Variants in CYP4F11 observed in about 807,000 individuals in gnomAD.
CYP4F11 encodes the protein cytochrome P450 family 4 subfamily F member 11.
A neutral mutation model predicts 62.2 loss-of-function variants in CYP4F11; 79 were observed. The observed-to-expected ratio is 1.27, with a 90% CI of 1.06 to 1.53. CYP4F11 has a LOEUF of 1.53. CYP4F11 is among the 40% of genes most tolerant of loss of function. CYP4F11 has a pLI of 0.00. For missense variants in CYP4F11, 777 were observed against 680.5 expected, an observed-to-expected ratio of 1.14 and a Z score of -1.58; for synonymous variants, 290 against 263.7, an observed-to-expected ratio of 1.10 and a Z score of -0.97.
rs1390077676 is a variant in CYP4F11, at chr19:15,914,875, G to C, written c.1136C>G (p.Pro379Arg). 1 of 1,614,134 alleles carries C rather than the reference G, an allele frequency of 6.2e-7. No individual in the cohort carries two copies. Among genetic ancestry groups the C allele is most frequent in the African/African-American group, 1.3e-5 (1 of 75,028 alleles). ...EIEWDDLAQL[P>R]FLTMCIKESL... ...CTCCTTAATGCACATGGTCAGGAAG[G>C]GCAGCTGGGCCAGGTCGTCCCTAAG... Residue 379 changes from proline to arginine, a missense_variant, in exon 9 of 12, where the codon CCC becomes CGC. Pro to Arg is a moderately radical substitution (Grantham distance 103). Coordinates refer to ENST00000402119, the MANE Select transcript of CYP4F11 (RefSeq NM_021187.4).
chr19:15,916,117 T>C (rs1206373888), intron 8 of CYP4F11, among the ~76,000 whole-genome samples: 2 of 152,134 alleles, frequency 1.3e-5, no homozygotes, highest in Non-Finnish European at 2.9e-5. Context: ...AAAGCTTAAA[T>C]ATTATTTGAA....
At position 15,914,371 on chromosome 19, in the gene CYP4F11, C is replaced by T. The variant is rs200410691; in HGVS notation, c.1331G>A (p.Arg444His). ...CTCCTTGATGTTCTCTTGGTCGAAA[C>T]GGAAGGGGTCGTAGACCTGCAGGTG... ...WPDPEVYDPF[R>H]FDQENIKERS... The change falls in exon 11 of 12, where the codon CGT becomes CAT. Residue 444 changes from arginine (R) to histidine (H), a missense_variant. Transcript: ENST00000402119. 126 of 1,613,872 alleles carry T rather than the reference C, an allele frequency of 7.8e-5. No homozygotes were observed. The highest frequency in any genetic ancestry group is 5.6e-4 in the East Asian group (25 of 44,870).
chr19:15,918,245 A>G (rs2089597429), intron 8 of CYP4F11, among the ~76,000 whole-genome samples: 1 of 152,090 alleles, frequency 6.6e-6, no homozygotes, highest in Admixed American at 6.5e-5. Flanking sequence ...AGGGAAACTC[A>G]TGGACACATG....
At chr19:15,928,774 G>A (rs138600198) in intron 2 of CYP4F11, among the ~76,000 whole-genome samples, 1 of 152,324 alleles carries the variant, frequency 6.6e-6, no homozygotes, top group Non-Finnish European at 1.5e-5. Flanking sequence ...AGACTGGGGT[G>A]GGATCTCCTA....
intron 8 of CYP4F11, among the ~76,000 whole-genome samples, chr19:15,919,474 A>AGATAGATAGATAGATAGATAGAT (rs2089607889): frequency 1.6e-5 from 1 of 63,644 alleles, no homozygotes; most frequent in Non-Finnish European, 3.5e-5. Context: ...ACAGATGTAT[A>AGATAGATAGATAGATAGATAGAT]GATAGATAGA....
At chr19:15,923,090 T>A (rs1325689619) in intron 6 of CYP4F11, among the ~76,000 whole-genome samples, 1 of 152,218 alleles carries the variant, frequency 6.6e-6, no homozygotes, top group Non-Finnish European at 1.5e-5. Context: ...AGTATTACTC[T>A]GAATGTATTT....
Position 15,919,413 on chromosome 19 carries a change from C to CGTAT in CYP4F11, c.1115+2623_1115+2624insATAC, listed in dbSNP as rs59693931. Among the ~76,000 whole-genome samples the CGTAT allele has an allele frequency of 8.9e-3, 1,287 of 144,602 alleles. 20 individuals carry two copies. Among genetic ancestry groups the CGTAT allele is most frequent in the African/African-American group, 0.029 (1,146 of 39,182 alleles). The allele number at this position is 144,602 out of a possible 152,430, so 94.9% of individuals were successfully genotyped here. On this transcript the variant is annotated intron_variant, in intron 8 of 11. Coordinates refer to ENST00000402119, the MANE Select transcript of CYP4F11 (RefSeq NM_021187.4). ...ATAGATAGGATAAAGGATGGATGGA[C>CGTAT]GGATGGATGGATGGATGGATGGATG...
chr19:15,923,831 T>C lies in CYP4F11; in HGVS notation c.899A>G (p.Asp300Gly). Residue 300 changes from aspartate (D) to glycine (G), a missense_variant, in exon 6 of 12, where the codon GAT becomes GGT. Physicochemically the swap from Asp to Gly is moderately conservative, Grantham distance 94. Coordinates refer to ENST00000402119, the MANE Select transcript of CYP4F11 (RefSeq NM_021187.4). Reference protein sequence around the residue: ...KAKSKTLDFIDVLLLSKDEDG... With the variant: ...KAKSKTLDFIGVLLLSKDEDG... ...GCCTACCTTGCTCAGCAGAAGCACA[T>C]CAATGAAGTCTAAAGTCTTGGACTT... is the stretch of plus-strand genomic sequence containing the variant. 14 of 1,613,746 alleles carry C rather than the reference T, an allele frequency of 8.7e-6. No individual in the cohort carries two copies. The highest frequency in any genetic ancestry group is 1.2e-5 in the Non-Finnish European group (14 of 1,179,668).
chr19:15,918,852 A>G (rs1018062181), intron 8 of CYP4F11, among the ~76,000 whole-genome samples: 2 of 152,048 alleles, frequency 1.3e-5, no homozygotes, highest in African/African-American at 4.8e-5. Context: ...CAAATTGGCC[A>G]TATCTACAAT....
intron 4 of CYP4F11, among the ~76,000 whole-genome samples, chr19:15,925,709 C>CAT (rs1162052618): frequency 6.6e-5 from 8 of 122,098 alleles, no homozygotes; most frequent in South Asian, 2.8e-4. Flanking sequence ...TATACACACA[C>CAT]ATATATATAT....
Position 15,914,835 on chromosome 19 carries a change from A to T in CYP4F11, c.1176T>A (p.His392Gln). ...ATCGGGAGATGACCGGGACTGGGGG[A>T]TGCAACCGCAGGCTCTCCTTAATGC... Reference protein sequence around the residue: ...TMCIKESLRLHPPVPVISRCC... With the variant: ...TMCIKESLRLQPPVPVISRCC... The change falls in exon 9 of 12, where the codon CAT (histidine) becomes CAA (glutamine). Residue 392 changes from histidine to glutamine, a missense_variant. Coordinates refer to ENST00000402119, the MANE Select transcript of CYP4F11 (RefSeq NM_021187.4). 2 of 1,614,098 alleles carry T rather than the reference A, an allele frequency of 1.2e-6. No homozygotes were observed. The highest frequency in any genetic ancestry group is 1.1e-5 in the South Asian group (1 of 91,080).
intron 4 of CYP4F11, 47 bp from the exon 5 acceptor site, chr19:15,924,929 A>G: frequency 6.3e-7 from 1 of 1,580,418 alleles, no homozygotes; most frequent in Non-Finnish European, 8.6e-7. Flanking sequence ...GCCTCCTGGG[A>G]GCACCTTCCC....
chr19:15,926,360 C>T (rs1316886068), intron 4 of CYP4F11, among the ~76,000 whole-genome samples: 3 of 152,176 alleles, frequency 2.0e-5, no homozygotes, highest in Admixed American at 6.5e-5. Flanking sequence ...TGACCCAGGA[C>T]TCTCGTATCT....
In CYP4F11 at chr19:15,929,554, G is replaced by T. The variant is rs1420194060; in HGVS notation, c.246C>A (p.Thr82=). Reference sequence around the variant, plus strand: ...ACAACTTAAAGCCCTGGGGATATGTGGTCACCAGCTGGGTCAATGTCTTCA... The same window carrying T: ...ACAACTTAAAGCCCTGGGGATATGTTGTCACCAGCTGGGTCAATGTCTTCA... ...EGMKTLTQLV[T]TYPQGFKLWL... is the part of the protein sequence containing the mutation. The change falls in exon 2 of 12, where the codon ACC becomes ACA. Residue 82 remains threonine (T), a synonymous_variant. Transcript: ENST00000402119. 1 of 1,613,478 alleles carries T rather than the reference G, an allele frequency of 6.2e-7. No individual in the cohort carries two copies. The highest frequency in any genetic ancestry group is 1.7e-5 in the Admixed American group (1 of 59,976).
intron 2 of CYP4F11, among the ~76,000 whole-genome samples, chr19:15,928,438 A>C (rs2089686229): frequency 6.6e-6 from 1 of 152,240 alleles, no homozygotes; most frequent in Non-Finnish European, 1.5e-5. Context: ...GAAAAGGCAA[A>C]GTGACACAGA....
At position 15,914,797 on chromosome 19, in the gene CYP4F11, T is replaced by A. The variant is rs768672776; in HGVS notation, c.1214A>T (p.Asp405Val). Residue 405 changes from aspartate to valine, a missense_variant, in exon 9 of 12, where the codon GAC (aspartate) becomes GTC (valine). Coordinates refer to ENST00000402119, the MANE Select transcript of CYP4F11 (RefSeq NM_021187.4). The part of the protein sequence containing the change: ...VPVISRCCTQ[D>V]FVLPDGRVIP... ...GACGCGGCCGTCTGGGAGCACAAAG[T>A]CCTGCGTGCAACATCGGGAGATGAC... The A allele has an allele frequency of 6.2e-7, 1 of 1,614,004 alleles. No individual in the cohort carries two copies. Among genetic ancestry groups the A allele is most frequent in the East Asian group, 2.2e-5 (1 of 44,900 alleles).
intron 8 of CYP4F11, among the ~76,000 whole-genome samples, chr19:15,915,870 G>A (rs76737234): frequency 0.14 from 20,541 of 151,040 alleles, 1,568 homozygotes; most frequent in South Asian, 0.28. Context: ...TTTTTTTCCA[G>A]GAAAATAAGA....
At chr19:15,922,471 C>G (rs1277453697) in intron 6 of CYP4F11, 41 bp from the exon 7 acceptor site, 4 of 1,598,554 alleles carry the variant, frequency 2.5e-6, no homozygotes, top group Non-Finnish European at 3.4e-6. Flanking sequence ...CCAAATCACA[C>G]CAGCTCTGAA....
chr19:15,914,002 C>A, intron 11 of CYP4F11, 93 bp from the exon 12 acceptor site: 3 of 1,453,840 alleles, frequency 2.1e-6, no homozygotes, highest in Non-Finnish European at 1.9e-6. Context: ...CAAACGCACC[C>A]ACATAGGCTT....
Sources: allele counts gnomAD v4.1 joint callset (sites outside exome capture counted in the v4.1 genomes callset), GRCh38; gene constraint gnomAD v4.1.1; transcripts MANE v1.5; gene names NCBI Gene and HGNC (gene_info 2026-07-23, HGNC 2026-07-21).